Variants in DELE1 observed in about 807,000 individuals in gnomAD.
DELE1 encodes the protein DAP3 binding cell death enhancer 1.
Under a neutral mutation model 59.3 loss-of-function variants are expected in DELE1, and 54 were observed. The observed-to-expected ratio is 0.91, with a 90% confidence interval of 0.73 to 1.14. The LOEUF is 1.14. DELE1 is among the 50% of genes most tolerant of loss of function. DELE1 has a pLI of 0.00. For missense variants in DELE1, 636 were observed against 643.9 expected, an observed-to-expected ratio of 0.99 and a Z score of 0.13; for synonymous variants, 264 against 259.1, an observed-to-expected ratio of 1.02 and a Z score of -0.18.
In DELE1 at chr5:141,938,866, G is replaced by T; in HGVS notation, c.*107G>T. 2.7e-6 allele frequency: 4 copies of T among 1,494,228 alleles called. No individual in the cohort carries two copies. The highest frequency in any genetic ancestry group is 3.5e-6 in the Non-Finnish European group (4 of 1,129,302). The allele number at this position is 1,494,228 out of a possible 1,614,324, so 92.6% of individuals were successfully genotyped here. A position where few individuals can be genotyped will look rare whatever the true frequency, so the allele number is the denominator to read the frequency against. On this transcript the variant is annotated 3_prime_UTR_variant, in exon 12 of 12. Transcript: ENST00000432126. ...ACCCTTTCCAGGTAGAAATTCCAGC[G>T]GGAGTTCAGGTTCCCAAGCAATTTC...
chr5:141,928,062 T>A, intron 3 of DELE1, 89 bp from the exon 4 acceptor site: 1 of 1,466,626 alleles, frequency 6.8e-7, no homozygotes, highest in Non-Finnish European at 9.2e-7. Flanking sequence ...CCACCTGGAT[T>A]TCCTGAGGAA....
intron 11 of DELE1, 65 bp from the exon 12 acceptor site, chr5:141,938,456 G>A: frequency 1.3e-6 from 2 of 1,559,046 alleles, no homozygotes; most frequent in Non-Finnish European, 1.7e-6. Flanking sequence ...AAGAAGTGCT[G>A]GCTCCAAAGT....
intron 3 of DELE1, among the ~76,000 whole-genome samples, chr5:141,926,517 G>C (rs146600457): frequency 6.6e-6 from 1 of 152,348 alleles, no homozygotes; most frequent in Admixed American, 6.5e-5. Flanking sequence ...CAATGTTCCA[G>C]GTGGAAGTTC....
intron 10 of DELE1, 99 bp downstream of exon 10, chr5:141,934,685 G>A (rs2286523): frequency 0.084 from 99,161 of 1,185,146 alleles, 4,658 homozygotes; most frequent in South Asian, 0.14. Context: ...GGAGATTGTT[G>A]GATAGGAGCC....
At chr5:141,935,299 G>T (rs954508676) in intron 10 of DELE1, among the ~76,000 whole-genome samples, 1 of 152,184 alleles carries the variant, frequency 6.6e-6, no homozygotes, top group African/African-American at 2.4e-5. Context: ...AGATGGGTTT[G>T]GGAAATACTG....
chr5:141,934,734 G>A, intron 10 of DELE1, 148 bp downstream of exon 10: 4 of 743,032 alleles, frequency 5.4e-6, no homozygotes, highest in South Asian at 5.3e-5. Context: ...CTGACTTACT[G>A]TGTGACCGTT....
intron 7 of DELE1, chr5:141,931,263 T>C (rs890825825): frequency 6.6e-6 from 1 of 152,096 alleles, no homozygotes; most frequent in African/African-American, 2.4e-5. Flanking sequence ...TTTTGATTGC[T>C]AGAGGAACAA....
chr5:141,928,070 G>T, intron 3 of DELE1, 81 bp from the exon 4 acceptor site: 1 of 1,490,626 alleles, frequency 6.7e-7, no homozygotes, highest in South Asian at 1.3e-5. Flanking sequence ...ATTTCCTGAG[G>T]AAGTGATGTT....
In DELE1 at chr5:141,940,887, G is replaced by A; in HGVS notation, c.*2128G>A. On this transcript the variant is annotated 3_prime_UTR_variant, in exon 12 of 12. Coordinates refer to ENST00000432126, the MANE Select transcript of DELE1 (RefSeq NM_014773.5). ...AAAAAACAAACAAAAAAAGGTTTCT[G>A]TGGTTAAATAAGTTTGGGAAATGCT... 2 of 985,220 alleles carry A rather than the reference G, an allele frequency of 2.0e-6. No individual in the cohort carries two copies. Among genetic ancestry groups the A allele is most frequent in the Non-Finnish European group, 2.4e-6 (2 of 829,726 alleles). 61.0% of individuals were successfully genotyped at this position (985,220 alleles called of 1,614,324 possible).
At chr5:141,937,591 A>AGG (rs1459382321) in intron 11 of DELE1, among the ~76,000 whole-genome samples, 1 of 151,260 alleles carries the variant, frequency 6.6e-6, no homozygotes, top group Non-Finnish European at 1.5e-5. Flanking sequence ...TAACACGGTG[A>AGG]AACCCCGTCT....
At chr5:141,927,199 C>G (rs983825539) in intron 3 of DELE1, among the ~76,000 whole-genome samples, 22 of 152,152 alleles carry the variant, frequency 1.4e-4, no homozygotes, top group African/African-American at 3.9e-4. Flanking sequence ...TATGCAGTGC[C>G]TGGAGCAACA....
intron 3 of DELE1, among the ~76,000 whole-genome samples, chr5:141,926,037 G>A (rs963525254): frequency 1.3e-5 from 2 of 151,858 alleles, no homozygotes; most frequent in African/African-American, 4.8e-5. Flanking sequence ...GTGCCACCAC[G>A]CCTGGATAAT....
At position 141,938,798 on chromosome 5, in the gene DELE1, C is replaced by G. The variant is rs765118590; in HGVS notation, c.*39C>G. On this transcript the variant is annotated 3_prime_UTR_variant, in exon 12 of 12. Transcript: ENST00000432126. The stretch of plus-strand genomic sequence containing the variant: ...ATAGTCCCTGGTGCCTCTTAGGGGC[C>G]AGAGCGGGCAGGAGGTTGGATAACA... 6 of 1,562,424 alleles carry G rather than the reference C, an allele frequency of 3.8e-6. No individual in the cohort carries two copies. In the African/African-American group the frequency reaches 8.2e-5, roughly 21 times the overall value.
Position 141,940,437 on chromosome 5 carries a change from GC to G in DELE1, c.*1681del. 1 of 576,152 alleles carries G rather than the reference GC, an allele frequency of 1.7e-6. No homozygotes were observed. Among genetic ancestry groups the G allele is most frequent in the South Asian group, 1.3e-4 (1 of 7,950 alleles). 35.7% of individuals were successfully genotyped at this position (576,152 alleles called of 1,614,324 possible). A position where few individuals can be genotyped will look rare whatever the true frequency, so the allele number is the denominator to read the frequency against. On this transcript the variant is annotated 3_prime_UTR_variant, in exon 12 of 12. Coordinates refer to ENST00000432126, the MANE Select transcript of DELE1 (RefSeq NM_014773.5). ...GTCTGGGAGGGATAGAGAGCCCACCGCCCACCCCCCACAATCCCATGACTGA... is the reference window on the plus strand; with the variant it reads ...GTCTGGGAGGGATAGAGAGCCCACCGCCACCCCCCACAATCCCATGACTGA...
In DELE1 at chr5:141,941,559, A is replaced by G. The variant is rs1011150613; in HGVS notation, c.*2800A>G. On this transcript the variant is annotated 3_prime_UTR_variant, in exon 12 of 12. Coordinates refer to ENST00000432126, the MANE Select transcript of DELE1 (RefSeq NM_014773.5). ...GACTCATCATCAGTGCCCCAGAGGA[A>G]GTGTGAGAGGACGAGAGGGAGGTGG... The G allele has an allele frequency of 3.5e-5, 34 of 985,312 alleles. No homozygotes were observed. Among genetic ancestry groups the G allele is most frequent in the African/African-American group, 5.2e-5 (3 of 57,212 alleles). 61.0% of individuals were successfully genotyped at this position (985,312 alleles called of 1,614,324 possible). A position where few individuals can be genotyped will look rare whatever the true frequency, so the allele number is the denominator to read the frequency against.
chr5:141,930,430 T>C (rs1230479304), intron 7 of DELE1, among the ~76,000 whole-genome samples, 156 bp downstream of exon 7: 7 of 152,252 alleles, frequency 4.6e-5, no homozygotes, highest in Admixed American at 4.6e-4. Context: ...GACCCATTCT[T>C]ATGCAGATGT....
In DELE1 at chr5:141,923,893, G is replaced by A. The variant is rs755997295; in HGVS notation, c.-49G>A. 3.2e-6 allele frequency: 5 copies of A among 1,575,524 alleles called. No homozygotes were observed. Among genetic ancestry groups the A allele is most frequent in the South Asian group, 2.3e-5 (2 of 86,356 alleles). On this transcript the variant is annotated 5_prime_UTR_variant, in exon 1 of 12. Coordinates refer to ENST00000432126, the MANE Select transcript of DELE1 (RefSeq NM_014773.5). ...GGCCTTTCTAGCCGCTGTCCCAAGGGTTGGTCTCGCGCTTTCGGCTGCGAG... is the reference window on the plus strand; with the variant it reads ...GGCCTTTCTAGCCGCTGTCCCAAGGATTGGTCTCGCGCTTTCGGCTGCGAG...
In DELE1 at chr5:141,940,618, A is replaced by G; in HGVS notation, c.*1859A>G. 1 of 985,882 alleles carries G rather than the reference A, an allele frequency of 1.0e-6. No individual in the cohort carries two copies. Among genetic ancestry groups the G allele is most frequent in the African/African-American group, 1.7e-5 (1 of 57,352 alleles). The allele number at this position is 985,882 out of a possible 1,614,324, so 61.1% of individuals were successfully genotyped here. Reference sequence around the variant, plus strand: ...ACCTCTCTTTCACCCGGGGAGCCCAAGCGTCCTCTAGCTCCATCTCCTCGC... The same window carrying G: ...ACCTCTCTTTCACCCGGGGAGCCCAGGCGTCCTCTAGCTCCATCTCCTCGC... On this transcript the variant is annotated 3_prime_UTR_variant, in exon 12 of 12. Transcript: ENST00000432126.
intron 10 of DELE1, 49 bp downstream of exon 10, chr5:141,934,635 G>T: frequency 6.4e-7 from 1 of 1,568,966 alleles, no homozygotes; most frequent in South Asian, 1.1e-5. Context: ...CCTGATAAGA[G>T]AAGGGATTTT....
Sources: gnomAD v4.1 joint callset for allele counts (sites outside exome capture counted in the v4.1 genomes callset) on GRCh38, gnomAD v4.1.1 for gene constraint, MANE v1.5 for transcripts, NCBI Gene and HGNC (gene_info 2026-07-23, HGNC 2026-07-21) for gene names.